The following PEX14 variants were observed in gnomAD, a reference collection of about 807,000 sequenced individuals.
PEX14 encodes peroxisomal biogenesis factor 14.
PEX14 carries 15 observed loss-of-function variants against 49.5 expected under a neutral mutation model. That is an observed-to-expected ratio of 0.30 (90% confidence interval 0.20 to 0.47). PEX14 has a LOEUF of 0.47. Ranked by LOEUF, PEX14 falls within the 20% of genes least tolerant of loss-of-function variation. The pLI is 1.00. For synonymous variants in PEX14, 210 were observed against 212.7 expected, an observed-to-expected ratio of 0.99 and a Z score of 0.11; for missense variants, 398 against 494.8, an observed-to-expected ratio of 0.80 and a Z score of 1.86.
intron 3 of PEX14, among the ~76,000 whole-genome samples, chr1:10,581,467 T>C (rs1466258235): frequency 6.6e-6 from 1 of 151,642 alleles, no homozygotes; most frequent in Non-Finnish European, 1.5e-5. Context: ...CACCATACCC[T>C]GCTCATTTTT....
intron 2 of PEX14, among the ~76,000 whole-genome samples, chr1:10,498,281 AAAAC>A (rs1020613695): frequency 2.5e-4 from 3 of 11,914 alleles, no homozygotes; most frequent in African/African-American, 3.7e-4. Flanking sequence ...CCCTGTCTCT[AAAAC>A]AAAACAAAAC....
chr1:10,599,938 C>T (rs891351082), intron 4 of PEX14, among the ~76,000 whole-genome samples: 5 of 152,110 alleles, frequency 3.3e-5, no homozygotes, highest in South Asian at 2.1e-4. Context: ...GAGATCATGA[C>T]CCATGAGGGG....
chr1:10,534,656 G>A (rs185321673), intron 2 of PEX14, among the ~76,000 whole-genome samples: 22 of 152,134 alleles, frequency 1.4e-4, no homozygotes, highest in African/African-American at 4.3e-4. Context: ...TATTACTGTG[G>A]TTCATGACGG....
chr1:10,511,043 G>A (rs1641874244), intron 2 of PEX14, among the ~76,000 whole-genome samples: 2 of 152,084 alleles, frequency 1.3e-5, no homozygotes, highest in Admixed American at 6.6e-5. Context: ...ATCCTGTTCC[G>A]TAGCTGTGGT....
chr1:10,577,546 A>C, intron 3 of PEX14, among the ~76,000 whole-genome samples: 1 of 7,574 alleles, frequency 1.3e-4, no homozygotes, highest in Non-Finnish European at 3.6e-4. Flanking sequence ...ATATATATAT[A>C]TATATATATA....
chr1:10,475,797 G>A (rs775225043), intron 1 of PEX14, among the ~76,000 whole-genome samples: 1 of 152,188 alleles, frequency 6.6e-6, no homozygotes, highest in Non-Finnish European at 1.5e-5. Context: ...GGAGAAAAGG[G>A]CTAAGAGACA....
intron 1 of PEX14, among the ~76,000 whole-genome samples, chr1:10,490,923 C>T (rs932253752): frequency 9.2e-5 from 14 of 151,600 alleles, no homozygotes; most frequent in Non-Finnish European, 2.1e-4. Context: ...AGGCTGGTCT[C>T]GAACTCCTGG....
intron 3 of PEX14, among the ~76,000 whole-genome samples, chr1:10,537,341 A>AGCCCCC (rs1553187430): frequency 3.5e-5 from 1 of 28,430 alleles, no homozygotes; most frequent in Non-Finnish European, 6.3e-5. Flanking sequence ...TTGTGCCAGC[A>AGCCCCC]CCCCCCCCCC....
intron 1 of PEX14, among the ~76,000 whole-genome samples, chr1:10,493,428 G>T (rs1188939182): frequency 6.6e-6 from 1 of 152,064 alleles, no homozygotes; most frequent in Non-Finnish European, 1.5e-5. Flanking sequence ...TGTTTCCATG[G>T]ACTTTTTAAT....
chr1:10,475,249 C>T (rs1239498450), intron 1 of PEX14, among the ~76,000 whole-genome samples: 1 of 152,014 alleles, frequency 6.6e-6, no homozygotes, highest in Admixed American at 6.6e-5. Flanking sequence ...TCCCCACTTC[C>T]CGCCTGCCAG....
In PEX14 at chr1:10,533,155, C is replaced by G. The variant is rs1320380394; in HGVS notation, c.85-3058C>G. 2.0e-5 allele frequency among the ~76,000 whole-genome samples: 3 copies of G among 152,000 alleles called. No homozygotes were observed. In the South Asian group the frequency reaches 6.2e-4, roughly 32 times the overall value. ...ATATGTTCACACTTACATGTAGCCA[C>G]TTCTCAGGGTGTCTTTCTTATTCAG... On this transcript the variant is annotated intron_variant, in intron 2 of 8. Transcript: ENST00000356607.
chr1:10,518,975 G>A (rs753865829), intron 2 of PEX14, among the ~76,000 whole-genome samples: 4 of 152,146 alleles, frequency 2.6e-5, no homozygotes, highest in Non-Finnish European at 4.4e-5. Context: ...TGTGCTTGTC[G>A]TGGTAGTGGT....
intron 4 of PEX14, among the ~76,000 whole-genome samples, chr1:10,602,925 C>T (rs1641028048): frequency 6.6e-6 from 1 of 152,190 alleles, no homozygotes; most frequent in Non-Finnish European, 1.5e-5. Flanking sequence ...TACGGACATT[C>T]CATCTCTGAG....
At position 10,512,987 on chromosome 1, in the gene PEX14, G is replaced by A. The variant is rs1158354161; in HGVS notation, c.84+17666G>A. On this transcript the variant is annotated intron_variant, in intron 2 of 8. Transcript: ENST00000356607. This position sits in a 1 kb window ranked among gnomAD's most constrained non-coding sequence, Gnocchi z 4.6. ...GCTGGGATTACAGGCGTAGGCCACC[G>A]TGCCCGGCCCTTTTCCTTCTTTTAT... 7.2e-5 allele frequency among the ~76,000 whole-genome samples: 11 copies of A among 152,226 alleles called. No homozygotes were observed. The highest frequency in any genetic ancestry group is 1.3e-4 in the Admixed American group (2 of 15,290).
chr1:10,571,179 A>G (rs1639967393), intron 3 of PEX14, among the ~76,000 whole-genome samples: 1 of 151,916 alleles, frequency 6.6e-6, no homozygotes, highest in Non-Finnish European at 1.5e-5. Flanking sequence ...TTTGACATAC[A>G]CAATTTTCAC....
At position 10,529,088 on chromosome 1, in the gene PEX14, G is replaced by A. The variant is rs1360233456; in HGVS notation, c.85-7125G>A. On this transcript the variant is annotated intron_variant, in intron 2 of 8. Transcript: ENST00000356607. The surrounding 1 kb of genome is among the most constrained non-coding windows in gnomAD (Gnocchi z 4.2). Reference sequence around the variant, plus strand: ...TTGTTGGTTGCATCAAAAATTAGAGGGGCTGCTATCTAAATTCAGGTGGGG... The same window carrying A: ...TTGTTGGTTGCATCAAAAATTAGAGAGGCTGCTATCTAAATTCAGGTGGGG... Among the ~76,000 whole-genome samples, 2 of 152,142 alleles carry A rather than the reference G, an allele frequency of 1.3e-5. No homozygotes were observed. The highest frequency in any genetic ancestry group is 1.3e-4 in the Admixed American group (2 of 15,272).
At chr1:10,585,590 A>T (rs1229810055) in intron 3 of PEX14, among the ~76,000 whole-genome samples, 1 of 152,246 alleles carries the variant, frequency 6.6e-6, no homozygotes, top group Admixed American at 6.5e-5. Flanking sequence ...AACCACAAGA[A>T]ACTCGGTAGT....
chr1:10,510,743 G>A (rs1054968988), intron 2 of PEX14, among the ~76,000 whole-genome samples: 2 of 152,136 alleles, frequency 1.3e-5, no homozygotes, highest in Non-Finnish European at 2.9e-5. Context: ...ACTTATGTGC[G>A]ATGGAGATGA....
In PEX14 at chr1:10,494,334, G is replaced by A. The variant is rs924507010; in HGVS notation, c.37-940G>A. 2.0e-5 allele frequency among the ~76,000 whole-genome samples: 3 copies of A among 152,166 alleles called. No individual in the cohort carries two copies. Among genetic ancestry groups the A allele is most frequent in the African/African-American group, 4.8e-5 (2 of 41,430 alleles). On this transcript the variant is annotated intron_variant, in intron 1 of 8. Transcript: ENST00000356607. This position sits in a 1 kb window ranked among gnomAD's most constrained non-coding sequence, Gnocchi z 4.3. ...GAATGGAGGCTGCAGGCTGTCTCCT[G>A]GGACACACAGATTTTGCTGCACTTG... is the stretch of plus-strand genomic sequence containing the variant.
Sources: allele counts gnomAD v4.1 joint callset (sites outside exome capture counted in the v4.1 genomes callset), GRCh38; gene constraint gnomAD v4.1.1; non-coding constraint Gnocchi (gnomAD v3.1); transcripts MANE v1.5; gene names NCBI Gene and HGNC (gene_info 2026-07-23, HGNC 2026-07-21).